The following RORA variants were observed in gnomAD, a reference collection of about 807,000 sequenced individuals.
RORA encodes nuclear receptor ROR-alpha.
RORA carries 7 observed loss-of-function variants against 69.5 expected under a neutral mutation model. The observed-to-expected ratio is 0.10, with a 90% CI of 0.06 to 0.19. The LOEUF is 0.19. Among genes scored for constraint, RORA ranks in the 10% least tolerant of loss-of-function variants. RORA has a pLI of 1.00. For missense variants in RORA, 457 were observed against 663.0 expected, an observed-to-expected ratio of 0.69 and a Z score of 3.41; for synonymous variants, 261 against 240.8, an observed-to-expected ratio of 1.08 and a Z score of -0.78.
intron 2 of RORA, among the ~76,000 whole-genome samples, chr15:60,559,258 A>G (rs2067464623): frequency 6.6e-6 from 1 of 152,112 alleles, no homozygotes; most frequent in South Asian, 2.1e-4. Flanking sequence ...CCCAACACTA[A>G]ATGGCCCTGG....
chr15:60,686,353 T>C (rs752293454), intron 1 of RORA, among the ~76,000 whole-genome samples: 2 of 152,222 alleles, frequency 1.3e-5, no homozygotes, highest in Non-Finnish European at 2.9e-5. Flanking sequence ...AAAGTCCATA[T>C]GTAAGGAGGG....
intron 1 of RORA, among the ~76,000 whole-genome samples, chr15:61,196,158 A>T (rs1464503195): frequency 6.6e-6 from 1 of 152,254 alleles, no homozygotes; most frequent in Non-Finnish European, 1.5e-5. Flanking sequence ...CCCAAAAGTT[A>T]CGTAATTTTG....
intron 1 of RORA, among the ~76,000 whole-genome samples, chr15:61,103,350 G>T (rs1267949750): frequency 6.6e-6 from 1 of 152,208 alleles, no homozygotes; most frequent in Non-Finnish European, 1.5e-5. Flanking sequence ...TAAATTTAGG[G>T]TTATCCAGGA....
chr15:60,910,324 C>T (rs566618573), intron 1 of RORA, among the ~76,000 whole-genome samples: 1 of 152,326 alleles, frequency 6.6e-6, no homozygotes. Context: ...TGCTGGCTTC[C>T]AGAAAGCCCT....
At chr15:61,160,231 T>C (rs573118916) in intron 1 of RORA, among the ~76,000 whole-genome samples, 67 of 152,334 alleles carry the variant, frequency 4.4e-4, no homozygotes, top group African/African-American at 1.6e-3. Context: ...AACAGCAAAG[T>C]TGCATAAACC....
chr15:60,819,079 A>C (rs1042771761), intron 1 of RORA, among the ~76,000 whole-genome samples: 1 of 152,224 alleles, frequency 6.6e-6, no homozygotes, highest in Non-Finnish European at 1.5e-5. Flanking sequence ...CTGGTTTTCT[A>C]CATCTAAATA....
intron 1 of RORA, among the ~76,000 whole-genome samples, chr15:60,898,753 C>A (rs997448291): frequency 1.3e-5 from 2 of 152,034 alleles, no homozygotes; most frequent in African/African-American, 4.8e-5. Context: ...GAAAACAAGG[C>A]AATGCATTCT....
intron 1 of RORA, among the ~76,000 whole-genome samples, chr15:61,100,183 G>A (rs1357168563): frequency 7.1e-6 from 1 of 141,810 alleles, no homozygotes; most frequent in South Asian, 2.3e-4. Context: ...GCAGTGACAC[G>A]ATCTCGGCTC....
intron 2 of RORA, among the ~76,000 whole-genome samples, chr15:60,557,742 T>C (rs2067409749): frequency 6.6e-6 from 1 of 152,196 alleles, no homozygotes; most frequent in Non-Finnish European, 1.5e-5. Flanking sequence ...TCTGTGATCA[T>C]GTATTTTAGA....
chr15:60,765,796 G>A (rs2071979310), intron 1 of RORA, among the ~76,000 whole-genome samples: 1 of 152,080 alleles, frequency 6.6e-6, no homozygotes, highest in Non-Finnish European at 1.5e-5. Context: ...ACCAGGCCAA[G>A]GCAGCCCAGC....
intron 2 of RORA, among the ~76,000 whole-genome samples, chr15:60,598,048 C>A (rs1234172021): frequency 6.6e-6 from 1 of 151,958 alleles, no homozygotes; most frequent in African/African-American, 2.4e-5. Context: ...TTGAGCAAAC[C>A]TTTGTTTCAC....
At chr15:60,572,413 C>A (rs1265940387) in intron 2 of RORA, among the ~76,000 whole-genome samples, 1 of 151,926 alleles carries the variant, frequency 6.6e-6, no homozygotes, top group Non-Finnish European at 1.5e-5. Context: ...GCATAGTGAA[C>A]CATAAGAAAC....
chr15:60,823,491 C>T (rs898168084), intron 1 of RORA, among the ~76,000 whole-genome samples: 4 of 152,208 alleles, frequency 2.6e-5, no homozygotes, highest in East Asian at 1.9e-4. Flanking sequence ...AGAGGCCACA[C>T]ATGTTGTGTT....
intron 1 of RORA, among the ~76,000 whole-genome samples, chr15:61,197,360 T>C (rs965339965): frequency 5.3e-5 from 8 of 152,216 alleles, no homozygotes; most frequent in African/African-American, 1.9e-4. Flanking sequence ...GGCTCCCCCG[T>C]TCCCATGGTG....
intron 1 of RORA, among the ~76,000 whole-genome samples, chr15:61,031,255 G>C (rs1272695570): frequency 6.6e-6 from 1 of 152,130 alleles, no homozygotes; most frequent in Non-Finnish European, 1.5e-5. Context: ...ACTTATGAAA[G>C]TGTAATTTAT....
intron 2 of RORA, among the ~76,000 whole-genome samples, chr15:60,651,309 A>T (rs1017533078): frequency 2.6e-5 from 4 of 152,184 alleles, no homozygotes; most frequent in African/African-American, 9.7e-5. Flanking sequence ...CTGTTTCCAG[A>T]TGTATCAAAT....
chr15:60,943,468 G>C (rs1892762818), intron 1 of RORA, among the ~76,000 whole-genome samples: 1 of 152,064 alleles, frequency 6.6e-6, no homozygotes, highest in Non-Finnish European at 1.5e-5. Flanking sequence ...AGGGTTTTGA[G>C]AGGATTACAT....
intron 2 of RORA, among the ~76,000 whole-genome samples, chr15:60,565,510 A>T (rs999603681): frequency 6.6e-6 from 1 of 152,224 alleles, no homozygotes. Context: ...AGCCTACACC[A>T]ATGTTATTCA....
intron 2 of RORA, among the ~76,000 whole-genome samples, chr15:60,596,123 T>C (rs777698486): frequency 2.0e-5 from 3 of 152,192 alleles, no homozygotes; most frequent in Admixed American, 6.5e-5. Flanking sequence ...ACCACACAAG[T>C]TCTGATCTCA....
Sources: gnomAD v4.1 joint callset for allele counts (sites outside exome capture counted in the v4.1 genomes callset) on GRCh38, gnomAD v4.1.1 for gene constraint, MANE v1.5 for transcripts, NCBI Gene and HGNC (gene_info 2026-07-23, HGNC 2026-07-21) for gene names.